The following PIP5K1B variants were observed in gnomAD, a reference collection of about 807,000 sequenced individuals.
PIP5K1B encodes the protein phosphatidylinositol-4-phosphate 5-kinase type 1 beta, also known as phosphatidylinositol 4-phosphate 5-kinase type-1 beta.
Under a neutral mutation model 67.0 loss-of-function variants are expected in PIP5K1B, and 42 were observed. The ratio of observed to expected loss-of-function variants is 0.63; its 90% confidence interval spans 0.49 to 0.81. PIP5K1B has a LOEUF of 0.81. PIP5K1B is among the 30% of genes least tolerant of loss of function. The pLI is 0.00. For missense variants in PIP5K1B, 459 were observed against 646.3 expected, an observed-to-expected ratio of 0.71 and a Z score of 3.14; for synonymous variants, 214 against 231.4, an observed-to-expected ratio of 0.92 and a Z score of 0.68.
chr9:68,922,032 G>A (rs1161517156), intron 11 of PIP5K1B, among the ~76,000 whole-genome samples: 3 of 152,034 alleles, frequency 2.0e-5, no homozygotes, highest in Non-Finnish European at 4.4e-5. Context: ...CTCTTTATAG[G>A]CAACGGCTGA....
intron 15 of PIP5K1B, 122 bp downstream of exon 15, chr9:68,991,379 G>A (rs1422511030): frequency 2.6e-5 from 16 of 625,452 alleles, no homozygotes; most frequent in African/African-American, 3.7e-5. Context: ...AAATGATGGC[G>A]CCCTTTCACT....
intron 4 of PIP5K1B, among the ~76,000 whole-genome samples, chr9:68,855,000 C>T (rs1245452079): frequency 1.3e-5 from 2 of 152,082 alleles, no homozygotes; most frequent in African/African-American, 4.8e-5. Context: ...CATAATTTGA[C>T]GAGTCCATCA....
chr9:68,849,440 G>A (rs1822367614), intron 4 of PIP5K1B, among the ~76,000 whole-genome samples: 3 of 152,194 alleles, frequency 2.0e-5, no homozygotes, highest in Admixed American at 1.3e-4. Context: ...AAGTGCAGCG[G>A]TACGATCTCA....
intron 15 of PIP5K1B, among the ~76,000 whole-genome samples, chr9:69,004,644 C>T (rs150515645): frequency 6.6e-6 from 1 of 152,266 alleles, no homozygotes; most frequent in African/African-American, 2.4e-5. Context: ...CTGAAGAGTC[C>T]ATCTGCGTGC....
intron 7 of PIP5K1B, among the ~76,000 whole-genome samples, chr9:68,892,883 C>T (rs1233718259): frequency 1.3e-5 from 2 of 151,968 alleles, no homozygotes; most frequent in South Asian, 2.1e-4. Flanking sequence ...CCAGCCTGGC[C>T]GACATATAGT....
At chr9:68,830,729 G>T (rs1416090214) in intron 4 of PIP5K1B, among the ~76,000 whole-genome samples, 10 of 152,226 alleles carry the variant, frequency 6.6e-5, no homozygotes, top group Admixed American at 2.6e-4. Flanking sequence ...GGTGTGAATG[G>T]CAGGCGAGGA....
intron 15 of PIP5K1B, among the ~76,000 whole-genome samples, chr9:69,008,094 G>A (rs146175798): frequency 0.014 from 2,172 of 152,308 alleles, 20 homozygotes; most frequent in South Asian, 0.047. Flanking sequence ...CCATGTTCAA[G>A]TTGTTCTTTT....
At chr9:68,895,633 T>G (rs952988720) in intron 8 of PIP5K1B, among the ~76,000 whole-genome samples, 7 of 152,198 alleles carry the variant, frequency 4.6e-5, no homozygotes, top group Middle Eastern at 6.8e-3. Context: ...TTTCTGTTTT[T>G]TTTTTTTTTA....
chr9:68,853,465 G>A (rs780733588), intron 4 of PIP5K1B, among the ~76,000 whole-genome samples: 1 of 152,282 alleles, frequency 6.6e-6, no homozygotes, highest in Admixed American at 6.5e-5. Context: ...CCTAGAGAAG[G>A]GGGCTTCTGT....
In PIP5K1B at chr9:68,914,241, A is replaced by G. The variant is rs932597646; in HGVS notation, c.772-3307A>G. Among the ~76,000 whole-genome samples the G allele has an allele frequency of 3.9e-5, 6 of 152,278 alleles. No homozygotes were observed. The East Asian group carries it at 1.2e-3, about 29-fold the overall frequency. The stretch of plus-strand genomic sequence containing the variant: ...CATTCATGGATACTCTGTGGAGGAA[A>G]ATCATGGTGTCCGGAATGTTTTTAA... On this transcript the variant is annotated intron_variant, in intron 8 of 15. Transcript: ENST00000265382.
intron 14 of PIP5K1B, among the ~76,000 whole-genome samples, chr9:68,947,981 C>CATG (rs1401509203): frequency 6.6e-6 from 1 of 152,176 alleles, no homozygotes; most frequent in Non-Finnish European, 1.5e-5. Flanking sequence ...AGCCATCACC[C>CATG]ATGCCCTTAC....
chr9:68,727,024 T>C (rs557735066), intron 1 of PIP5K1B, among the ~76,000 whole-genome samples: 3 of 152,116 alleles, frequency 2.0e-5, no homozygotes, highest in Non-Finnish European at 2.9e-5. Context: ...TAGACAATCA[T>C]GTTGTCTATG....
At chr9:68,774,712 A>G (rs770338887) in intron 2 of PIP5K1B, among the ~76,000 whole-genome samples, 1 of 152,186 alleles carries the variant, frequency 6.6e-6, no homozygotes, top group Non-Finnish European at 1.5e-5. Context: ...AAACATTCCA[A>G]GACCCCCAGT....
At chr9:68,964,033 T>C (rs539521242) in intron 14 of PIP5K1B, 9 of 152,340 alleles carry the variant, frequency 5.9e-5, no homozygotes, top group African/African-American at 2.2e-4. Context: ...TTCAGCTCAA[T>C]CCATCTGAGC....
chr9:68,930,008 A>G (rs577824798), intron 12 of PIP5K1B, among the ~76,000 whole-genome samples: 1 of 152,296 alleles, frequency 6.6e-6, no homozygotes, highest in Admixed American at 6.5e-5. Flanking sequence ...ATGTGAGACC[A>G]CTGATAGCAG....
intron 8 of PIP5K1B, among the ~76,000 whole-genome samples, chr9:68,913,957 GTCTC>G (rs1825969439): frequency 6.6e-6 from 1 of 151,996 alleles, no homozygotes; most frequent in African/African-American, 2.4e-5. Flanking sequence ...GCCTGACTTT[GTCTC>G]ACCTGTAAAA....
intron 15 of PIP5K1B, among the ~76,000 whole-genome samples, chr9:68,992,839 C>CAAAAAAAAAAAAAAAAA (rs201517701): frequency 1.7e-5 from 1 of 57,556 alleles, no homozygotes; most frequent in Non-Finnish European, 2.9e-5. Context: ...GACCCTGTCT[C>CAAAAAAAAAAAAAAAAA]AAAAAAAAAA....
chr9:68,931,455 G>A (rs1404253633), intron 12 of PIP5K1B, among the ~76,000 whole-genome samples: 3 of 152,112 alleles, frequency 2.0e-5, no homozygotes, highest in Admixed American at 6.5e-5. Flanking sequence ...CTTTTGAGCC[G>A]GAGATTGAAA....
chr9:68,718,605 T>A (rs1390349224), intron 1 of PIP5K1B, among the ~76,000 whole-genome samples: 2 of 152,240 alleles, frequency 1.3e-5, no homozygotes, highest in African/African-American at 4.8e-5. Flanking sequence ...CCTGATTGCT[T>A]GCTCCTTTAA....
Sources: allele counts gnomAD v4.1 joint callset (sites outside exome capture counted in the v4.1 genomes callset), GRCh38; gene constraint gnomAD v4.1.1; transcripts MANE v1.5; gene names NCBI Gene and HGNC (gene_info 2026-07-23, HGNC 2026-07-21).